Variants in FAM200B observed in about 807,000 individuals in gnomAD.
FAM200B encodes zinc finger BED-type containing 11.
Under a neutral mutation model 33.1 loss-of-function variants are expected in FAM200B, and 32 were observed. The observed-to-expected ratio is 0.97, with a 90% CI of 0.73 to 1.30. The LOEUF is 1.30. Among genes scored for constraint, FAM200B ranks in the 50% most tolerant of loss-of-function variants. The pLI, the probability that FAM200B is intolerant of heterozygous loss-of-function variation, is 0.00. For synonymous variants in FAM200B, 240 were observed against 264.8 expected (o/e 0.91, Z 0.91); for missense variants, 741 against 754.0 (o/e 0.98, Z 0.20).
At chr4:15,643,580 T>C in the FAM200B span, among the ~76,000 whole-genome samples, 1 of 152,112 alleles carries the variant, frequency 6.6e-6, no homozygotes, top group African/African-American at 2.4e-5. Context: ...TAAATTTTTA[T>C]ATTTTTAGTA....
intron 1 of FAM200B, among the ~76,000 whole-genome samples, chr4:15,685,408 G>T (rs1471490135): frequency 6.6e-6 from 1 of 152,194 alleles, no homozygotes; most frequent in African/African-American, 2.4e-5. Context: ...GGCTTGAACA[G>T]GTTTAAAATT....
Position 15,687,681 on chromosome 4 carries a change from T to C in FAM200B, c.704T>C (p.Ile235Thr), listed in dbSNP as rs771486597. ...ATCCAGCTTGATGAAAGCACTGATA[T>C]TGGAAGCTGCACAACACTTTTAGTT... ...FAIQLDESTDIGSCTTLLVYV... is the reference protein window; with the variant it reads ...FAIQLDESTDTGSCTTLLVYV... The change falls in exon 2 of 2, where the codon ATT (isoleucine) becomes ACT (threonine). Residue 235 changes from isoleucine to threonine, a missense_variant. By Grantham distance (89) the Ile-to-Thr change is moderately conservative. Coordinates refer to ENST00000422728, the MANE Select transcript of FAM200B (RefSeq NM_001145191.2). The C allele has an allele frequency of 1.2e-5, 19 of 1,551,160 alleles. No homozygotes were observed. Among genetic ancestry groups the C allele is most frequent in the African/African-American group, 9.6e-5 (7 of 73,032 alleles).
intron 1 of FAM200B, among the ~76,000 whole-genome samples, chr4:15,683,163 A>G (rs1028982806): frequency 6.6e-6 from 1 of 152,234 alleles, no homozygotes; most frequent in African/African-American, 2.4e-5. Context: ...CAGCCAGACT[A>G]AAAATCCAAA....
At chr4:15,665,743 A>G in the FAM200B span, among the ~76,000 whole-genome samples, 5 of 152,226 alleles carry the variant, frequency 3.3e-5, no homozygotes, top group Non-Finnish European at 5.9e-5. Flanking sequence ...TAGGATGAGA[A>G]TATCTGGCCC....
At chr4:15,676,917 C>T (rs1055765765), upstream of FAM200B, among the ~76,000 whole-genome samples, 6 of 151,718 alleles carry the variant, frequency 4.0e-5, no homozygotes, top group Admixed American at 1.3e-4. Context: ...AACAAAAAGA[C>T]AAAAAAAGTA....
At chr4:15,663,228 T>C in the FAM200B span, among the ~76,000 whole-genome samples, 2 of 152,218 alleles carry the variant, frequency 1.3e-5, no homozygotes, top group African/African-American at 4.8e-5. Flanking sequence ...ACATTGATAA[T>C]AGTCATTCAT....
the FAM200B span, among the ~76,000 whole-genome samples, chr4:15,652,054 G>A: frequency 2.6e-5 from 4 of 152,106 alleles, no homozygotes; most frequent in African/African-American, 7.2e-5. Context: ...CATTGCCAAC[G>A]TCTTTCTGTA....
the FAM200B span, among the ~76,000 whole-genome samples, chr4:15,659,521 C>T: frequency 6.6e-6 from 1 of 152,102 alleles, no homozygotes; most frequent in Non-Finnish European, 1.5e-5. Context: ...TGAGCTGCAC[C>T]GCAAACTACG....
the FAM200B span, among the ~76,000 whole-genome samples, chr4:15,669,581 A>G: frequency 6.6e-6 from 1 of 152,232 alleles, no homozygotes; most frequent in Non-Finnish European, 1.5e-5. Context: ...ATAAAAGTAG[A>G]AAGAATGATA....
chr4:15,639,558 AT>A, the FAM200B span, among the ~76,000 whole-genome samples: 2 of 152,232 alleles, frequency 1.3e-5, no homozygotes, highest in Non-Finnish European at 2.9e-5. Context: ...TCAATCTCCA[AT>A]TTACAGAATT....
the FAM200B span, among the ~76,000 whole-genome samples, chr4:15,649,422 T>A: frequency 1.3e-5 from 2 of 151,660 alleles, no homozygotes; most frequent in Admixed American, 1.3e-4. Flanking sequence ...CTACTAAAAC[T>A]ACAAAAATTA....
At chr4:15,650,072 C>T in the FAM200B span, among the ~76,000 whole-genome samples, 2 of 152,166 alleles carry the variant, frequency 1.3e-5, no homozygotes, top group Non-Finnish European at 2.9e-5. Context: ...CCCCACTACC[C>T]ATCCCCCAGA....
rs769585338 is a variant in FAM200B at position 15,688,110 on chromosome 4, C to G, written c.1133C>G (p.Thr378Ser). ...TFCSEIGTNH[T>S]HLLYHTKIRW... is the part of the protein sequence containing the mutation. ...TGTTCAGAGATTGGAACTAATCATACCCACTTACTATATCATACCAAAATT... is the reference window on the plus strand; with the variant it reads ...TGTTCAGAGATTGGAACTAATCATAGCCACTTACTATATCATACCAAAATT... Residue 378 changes from threonine to serine, a missense_variant, in exon 2 of 2, where the codon ACC (threonine) becomes AGC (serine). Physicochemically the swap from Thr to Ser is moderately conservative, Grantham distance 58. Coordinates refer to ENST00000422728, the MANE Select transcript of FAM200B (RefSeq NM_001145191.2). The G allele has an allele frequency of 6.4e-7, 1 of 1,551,080 alleles. No individual in the cohort carries two copies. Among genetic ancestry groups the G allele is most frequent in the Admixed American group, 2.0e-5 (1 of 50,964 alleles).
the FAM200B span, among the ~76,000 whole-genome samples, chr4:15,650,332 C>T: frequency 6.6e-6 from 1 of 152,190 alleles, no homozygotes; most frequent in Non-Finnish European, 1.5e-5. Context: ...CAGATTCACA[C>T]GCATCACAAA....
rs749120341 is a variant in FAM200B, at chr4:15,688,681, A to G, written c.1704A>G (p.Ser568=). ...ATGAATTATTGCAGCTTAGTTCTTC[A>G]TATACATTGAAGAATGATTATGAAA... ...EENELLQLSS[S]YTLKNDYETL... The change falls in exon 2 of 2, where the codon TCA becomes TCG. Residue 568 remains serine, a synonymous_variant. Transcript: ENST00000422728. 1.3e-6 allele frequency: 2 copies of G among 1,551,386 alleles called. No individual in the cohort carries two copies. The highest frequency in any genetic ancestry group is 1.2e-5 in the South Asian group (1 of 84,028).
In FAM200B at chr4:15,686,941, TA is replaced by T; in HGVS notation, c.-35del. The T allele has an allele frequency of 9.0e-7, 1 of 1,115,648 alleles. No individual in the cohort carries two copies. The highest frequency in any genetic ancestry group is 1.2e-6 in the Non-Finnish European group (1 of 820,944). 69.1% of individuals were successfully genotyped at this position (1,115,648 alleles called of 1,614,324 possible). ...TTCTTTTTTGAGTTAGTGCCAATTATAACATTTTAATCAAACTGGAACAAAT... is the reference window on the plus strand; with the variant it reads ...TTCTTTTTTGAGTTAGTGCCAATTATACATTTTAATCAAACTGGAACAAAT... On this transcript the variant is annotated 5_prime_UTR_variant, in exon 2 of 2. The change abolishes the stop of an existing upstream ORF in the 5' untranslated region. Transcript: ENST00000422728.
upstream of FAM200B, among the ~76,000 whole-genome samples, chr4:15,678,035 G>A (rs549968075): frequency 6.6e-6 from 1 of 152,248 alleles, no homozygotes; most frequent in Non-Finnish European, 1.5e-5. Context: ...TTGGAATGAT[G>A]TATCATTAAA....
At chr4:15,653,246 T>C in the FAM200B span, among the ~76,000 whole-genome samples, 3 of 152,208 alleles carry the variant, frequency 2.0e-5, no homozygotes, top group South Asian at 4.1e-4. Context: ...CCATGTCAAA[T>C]TGAAAATGCT....
chr4:15,645,436 C>CTTTTTTTTTTT, the FAM200B span, among the ~76,000 whole-genome samples: 1 of 150,950 alleles, frequency 6.6e-6, no homozygotes, highest in Non-Finnish European at 1.5e-5. Context: ...TTCTTTCTTT[C>CTTTTTTTTTTT]TTTTTTTTTG....
Sources: gnomAD v4.1 joint callset for allele counts (sites outside exome capture counted in the v4.1 genomes callset) on GRCh38, gnomAD v4.1.1 for gene constraint, MANE v1.5 for transcripts, NCBI Gene and HGNC (gene_info 2026-07-23, HGNC 2026-07-21) for gene names.